Variants in NCAM1 observed in about 807,000 individuals in gnomAD.
NCAM1 encodes the protein neural cell adhesion molecule 1, also known as antigen recognized by monoclonal antibody 5.1H11.
In NCAM1, 14 loss-of-function variants were observed where a neutral mutation model predicts 109.8. That is an observed-to-expected ratio of 0.13 (90% confidence interval 0.08 to 0.20). NCAM1 has a LOEUF of 0.20. Ranked by LOEUF, NCAM1 falls within the 10% of genes least tolerant of loss-of-function variation. The pLI is 1.00. For synonymous variants in NCAM1, 418 were observed against 442.9 expected, an observed-to-expected ratio of 0.94 and a Z score of 0.70; for missense variants, 774 against 1,109.9, an observed-to-expected ratio of 0.70 and a Z score of 4.30.
intron 17 of NCAM1, among the ~76,000 whole-genome samples, chr11:113,261,683 C>T (rs545978844): frequency 2.6e-5 from 4 of 152,146 alleles, no homozygotes; most frequent in East Asian, 1.9e-4. Flanking sequence ...CCTTTACAAT[C>T]GACAGCTTGG....
intron 1 of NCAM1, among the ~76,000 whole-genome samples, chr11:112,966,477 A>G (rs1355711823): frequency 1.3e-5 from 2 of 152,224 alleles, no homozygotes; most frequent in African/African-American, 2.4e-5. Flanking sequence ...AAAACATTGT[A>G]GTGAAACTAT....
At chr11:113,239,196 C>A (rs1945256607) in intron 14 of NCAM1, among the ~76,000 whole-genome samples, 2 of 152,180 alleles carry the variant, frequency 1.3e-5, no homozygotes, top group Admixed American at 1.3e-4. Context: ...AATGAGGAAG[C>A]TGTGACCCCA....
intron 14 of NCAM1, chr11:113,235,365 A>C: frequency 3.3e-5 from 39 of 1,174,042 alleles, no homozygotes; most frequent in African/African-American, 6.0e-5. Context: ...CTCTTTCTCC[A>C]AGGGGTTGGG....
intron 8 of NCAM1, among the ~76,000 whole-genome samples, chr11:113,220,872 G>A (rs1206503052): frequency 3.9e-5 from 6 of 151,974 alleles, no homozygotes; most frequent in African/African-American, 1.5e-4. Context: ...GCCTCCCAAA[G>A]TGCTGGGATT....
chr11:113,217,291 C>T lies in NCAM1; in HGVS notation c.1059+2780C>T, dbSNP rs550552418. 3.9e-5 allele frequency among the ~76,000 whole-genome samples: 6 copies of T among 152,304 alleles called. No homozygotes were observed. The South Asian group carries it at 1.0e-3, about 26-fold the overall frequency. ...CAATGCTGAAGAGCAGAAAGAGCTA[C>T]TTCCTTGCCCCTTCCTCTACTCAGT... is the stretch of plus-strand genomic sequence containing the variant. On this transcript the variant is annotated intron_variant, in intron 8 of 19. Transcript: ENST00000316851.
intron 9 of NCAM1, among the ~76,000 whole-genome samples, chr11:113,224,267 G>C (rs1409035099): frequency 6.6e-6 from 1 of 152,212 alleles, no homozygotes; most frequent in Non-Finnish European, 1.5e-5. Context: ...CTTAGCAAAC[G>C]GCACACCAGG....
At chr11:113,069,887 C>G (rs527295449) in intron 1 of NCAM1, among the ~76,000 whole-genome samples, 31 of 152,170 alleles carry the variant, frequency 2.0e-4, no homozygotes, top group African/African-American at 7.5e-4. Context: ...AATGCAGTGG[C>G]CAGAGAGAAA....
At chr11:113,271,386 A>G (rs1946268490) in intron 18 of NCAM1, among the ~76,000 whole-genome samples, 1 of 151,578 alleles carries the variant, frequency 6.6e-6, no homozygotes, top group African/African-American at 2.4e-5. Context: ...AAAAAAAAAA[A>G]AAAAAAAAAA....
chr11:113,067,389 G>GC (rs1196725707), intron 1 of NCAM1, among the ~76,000 whole-genome samples: 1 of 152,206 alleles, frequency 6.6e-6, no homozygotes, highest in African/African-American at 2.4e-5. Flanking sequence ...AACCACATAA[G>GC]CAGACACGGA....
chr11:112,983,232 G>C (rs1272499457), intron 1 of NCAM1, among the ~76,000 whole-genome samples: 1 of 151,692 alleles, frequency 6.6e-6, no homozygotes, highest in Non-Finnish European at 1.5e-5. Context: ...TTCTTGTTGG[G>C]GTTTTTATCT....
chr11:113,038,983 C>T (rs1029750815), intron 1 of NCAM1, among the ~76,000 whole-genome samples: 3 of 152,148 alleles, frequency 2.0e-5, no homozygotes, highest in Non-Finnish European at 4.4e-5. Context: ...CTGCAGACTT[C>T]TCTTCACGTA....
At chr11:113,234,558 C>A (rs1663235218) in intron 13 of NCAM1, among the ~76,000 whole-genome samples, 1 of 152,180 alleles carries the variant, frequency 6.6e-6, no homozygotes, top group Non-Finnish European at 1.5e-5. Context: ...CCTTTTGTGG[C>A]TAGCTTATTT....
chr11:113,274,472 G>A lies in NCAM1; in HGVS notation c.2457-795G>A, dbSNP rs1946363482. On this transcript the variant is annotated intron_variant, in intron 19 of 19. Transcript: ENST00000316851. This position sits in a 1 kb window ranked among gnomAD's most constrained non-coding sequence, Gnocchi z 4.1. ...AGACCCGACTCCCTTTCCTGGAACT[G>A]ATGGAGGCAGAGTCAGACCTAGATT... is the stretch of plus-strand genomic sequence containing the variant. 6.6e-6 allele frequency among the ~76,000 whole-genome samples: 1 copy of A among 152,234 alleles called. No individual in the cohort carries two copies. The highest frequency in any genetic ancestry group is 2.4e-5 in the African/African-American group (1 of 41,470).
chr11:113,183,582 GT>G (rs1943397864), intron 1 of NCAM1, among the ~76,000 whole-genome samples: 7 of 152,148 alleles, frequency 4.6e-5, no homozygotes, highest in Admixed American at 4.6e-4. Flanking sequence ...TGGCTTCTTG[GT>G]GTGATTTTTT....
chr11:112,998,777 C>T (rs548312408), intron 1 of NCAM1, among the ~76,000 whole-genome samples: 26 of 152,260 alleles, frequency 1.7e-4, no homozygotes, highest in Middle Eastern at 3.4e-3. Flanking sequence ...ACGATTTAAT[C>T]GTGTGTGCCC....
At chr11:113,023,252 A>G (rs1555076561) in intron 1 of NCAM1, among the ~76,000 whole-genome samples, 2 of 152,210 alleles carry the variant, frequency 1.3e-5, no homozygotes, top group Non-Finnish European at 2.9e-5. Context: ...TAGAATACAA[A>G]TATTGGGTAG....
chr11:113,246,481 T>G, intron 15 of NCAM1, 111 bp downstream of exon 15: 1 of 678,608 alleles, frequency 1.5e-6, no homozygotes, highest in Non-Finnish European at 2.7e-6. Context: ...ATTTGAGAGA[T>G]TTCCTCTTGT....
rs1251344271 is a variant in NCAM1, at chr11:113,190,622, GCTT to G, written c.53-11754_53-11752del. Among the ~76,000 whole-genome samples the G allele has an allele frequency of 2.6e-5, 4 of 152,186 alleles. No individual in the cohort carries two copies. In the East Asian group the frequency reaches 5.8e-4, roughly 22 times the overall value. On this transcript the variant is annotated intron_variant, in intron 1 of 19. Coordinates refer to ENST00000316851, the MANE Select transcript of NCAM1 (RefSeq NM_181351.5). ...TGAAAAGCTGTGGGTTCCAGGGACAGCTTCTCATTTGTTCCCTAACTCAAGAAA... is the reference window on the plus strand; with the variant it reads ...TGAAAAGCTGTGGGTTCCAGGGACAGCTCATTTGTTCCCTAACTCAAGAAA...
chr11:113,094,524 A>G (rs1437303662), intron 1 of NCAM1, among the ~76,000 whole-genome samples: 1 of 152,144 alleles, frequency 6.6e-6, no homozygotes, highest in Non-Finnish European at 1.5e-5. Context: ...AGGCTTTTCC[A>G]TTGCTCTTCC....
Sources: gnomAD v4.1 joint callset for allele counts (sites outside exome capture counted in the v4.1 genomes callset) on GRCh38, gnomAD v4.1.1 for gene constraint, Gnocchi (gnomAD v3.1) non-coding constraint, MANE v1.5 for transcripts, NCBI Gene and HGNC (gene_info 2026-07-23, HGNC 2026-07-21) for gene names.